Variants in DCAF8L2 observed in about 807,000 individuals in gnomAD.
The protein encoded by DCAF8L2 is DDB1 and CUL4 associated factor 8 like 2.
For synonymous variants in DCAF8L2, 200 were observed against 190.9 expected (o/e 1.05, Z -0.39); for missense variants, 430 against 490.7 (o/e 0.88, Z 1.17).
intron 2 of DCAF8L2, among the ~76,000 whole-genome samples, chrX:27,636,125 C>A (rs182977571): frequency 2.6e-4 from 29 of 111,145 alleles, no homozygotes; most frequent in Middle Eastern, 4.6e-3. Flanking sequence ...CCAGAAATTT[C>A]TATTAATGTC....
the DCAF8L2 span, among the ~76,000 whole-genome samples, chrX:27,506,778 T>C: frequency 6.3e-5 from 7 of 111,369 alleles, no homozygotes; most frequent in African/African-American, 2.3e-4. Flanking sequence ...AACCTCTGCC[T>C]CCCGGGTTCA....
chrX:27,599,863 A>C (rs1926555896), intron 1 of DCAF8L2, among the ~76,000 whole-genome samples: 1 of 112,354 alleles, frequency 8.9e-6, no homozygotes, highest in Admixed American at 9.5e-5. Context: ...GAAAATTGAT[A>C]AAACATGTTG....
the DCAF8L2 span, among the ~76,000 whole-genome samples, chrX:27,571,061 CTCTT>C: frequency 4.5e-5 from 5 of 112,062 alleles, no homozygotes; most frequent in South Asian, 3.7e-4. Flanking sequence ...CTTACTACAG[CTCTT>C]TCTAAGTGGA....
intron 2 of DCAF8L2, among the ~76,000 whole-genome samples, chrX:27,647,990 G>T (rs969750233): frequency 1.8e-5 from 2 of 111,226 alleles, no homozygotes; most frequent in African/African-American, 6.5e-5. Flanking sequence ...GTTGTAACTT[G>T]GGCCACATGA....
Position 27,636,799 on chromosome X carries a change from A to T in DCAF8L2, c.-220+4799A>T, listed in dbSNP as rs141883064. 8.9e-5 allele frequency among the ~76,000 whole-genome samples: 10 copies of T among 112,150 alleles called. No homozygotes were observed. In the East Asian group the frequency reaches 2.5e-3, roughly 28 times the overall value. Reference sequence around the variant, plus strand: ...TGCAGAAAAAAAATCTTATTTACAAATGTATCTGCTGCCACTGTCCACAAT... The same window carrying T: ...TGCAGAAAAAAAATCTTATTTACAATTGTATCTGCTGCCACTGTCCACAAT... On this transcript the variant is annotated intron_variant, in intron 2 of 4. Transcript: ENST00000451261.
the DCAF8L2 span, among the ~76,000 whole-genome samples, chrX:27,477,100 T>G: frequency 1.8e-5 from 2 of 111,973 alleles, no homozygotes; most frequent in Non-Finnish European, 3.8e-5. Flanking sequence ...TCCCCAGATC[T>G]CCTGCCTTTC....
intron 3 of DCAF8L2, among the ~76,000 whole-genome samples, chrX:27,712,017 T>G (rs902164348): frequency 9.0e-6 from 1 of 111,616 alleles, no homozygotes; most frequent in African/African-American, 3.2e-5. Flanking sequence ...ATTATCCTTT[T>G]AATAGATATA....
At chrX:27,530,750 C>T in the DCAF8L2 span, among the ~76,000 whole-genome samples, 987 of 111,917 alleles carry the variant, frequency 8.8e-3, 8 homozygotes, top group Non-Finnish European at 0.014. Context: ...ATTACACTCA[C>T]TCATTGAATT....
At chrX:27,655,279 A>C in intron 2 of DCAF8L2, among the ~76,000 whole-genome samples, 1 of 112,408 alleles carries the variant, frequency 8.9e-6, no homozygotes, top group Non-Finnish European at 1.9e-5. Flanking sequence ...AGATTGATTA[A>C]AATCAAACCT....
chrX:27,546,301 G>C, the DCAF8L2 span, among the ~76,000 whole-genome samples: 5 of 112,107 alleles, frequency 4.5e-5, no homozygotes, highest in African/African-American at 1.6e-4. Flanking sequence ...GTCTTGGGCA[G>C]CTCTGCTCCT....
the DCAF8L2 span, among the ~76,000 whole-genome samples, chrX:27,537,175 C>A: frequency 9.0e-6 from 1 of 111,600 alleles, no homozygotes; most frequent in Non-Finnish European, 1.9e-5. Context: ...AAAGTCAAAA[C>A]AAAAGTGAAT....
chrX:27,722,901 A>T (rs1305798611), intron 4 of DCAF8L2, among the ~76,000 whole-genome samples: 1 of 111,045 alleles, frequency 9.0e-6, no homozygotes, highest in African/African-American at 3.3e-5. Context: ...CAGGAGAATG[A>T]TCTGAAAAGC....
At chrX:27,594,900 A>T (rs760372853) in intron 1 of DCAF8L2, among the ~76,000 whole-genome samples, 41 of 112,038 alleles carry the variant, frequency 3.7e-4, no homozygotes, top group Non-Finnish European at 5.6e-4. Context: ...TTACTTTTTT[A>T]TATGTACTTA....
At chrX:27,492,907 A>G in the DCAF8L2 span, among the ~76,000 whole-genome samples, 5 of 112,027 alleles carry the variant, frequency 4.5e-5, no homozygotes, top group African/African-American at 9.7e-5. Flanking sequence ...TGTTTTCTAT[A>G]TTTTTTATTA....
At chrX:27,695,323 C>T (rs542701022) in intron 3 of DCAF8L2, among the ~76,000 whole-genome samples, 2 of 112,299 alleles carry the variant, frequency 1.8e-5, no homozygotes, top group South Asian at 7.3e-4. Context: ...AGAATTTATG[C>T]AGAGCAACTT....
chrX:27,536,526 A>G, the DCAF8L2 span, among the ~76,000 whole-genome samples: 1 of 112,617 alleles, frequency 8.9e-6, no homozygotes, highest in African/African-American at 3.2e-5. Flanking sequence ...CTTTTGTTGC[A>G]GAACTTTACT....
chrX:27,652,147 A>G (rs1929177976), intron 2 of DCAF8L2, among the ~76,000 whole-genome samples: 1 of 111,040 alleles, frequency 9.0e-6, no homozygotes, highest in African/African-American at 3.3e-5. Context: ...ACTTTTAACA[A>G]ATAACAGTAG....
At chrX:27,605,109 A>C (rs759485985) in intron 1 of DCAF8L2, among the ~76,000 whole-genome samples, 1 of 111,348 alleles carries the variant, frequency 9.0e-6, no homozygotes, top group African/African-American at 3.3e-5. Flanking sequence ...TGTGTTATAT[A>C]TCTGGGATAT....
At chrX:27,661,833 G>C (rs1450360484) in intron 2 of DCAF8L2, among the ~76,000 whole-genome samples, 1 of 111,487 alleles carries the variant, frequency 9.0e-6, no homozygotes, top group Non-Finnish European at 1.9e-5. Context: ...TTTCACTCAT[G>C]CTGTGGCAAG....
Sources: allele counts gnomAD v4.1 joint callset (sites outside exome capture counted in the v4.1 genomes callset), GRCh38; gene constraint gnomAD v4.1.1; transcripts MANE v1.5; gene names NCBI Gene and HGNC (gene_info 2026-07-23, HGNC 2026-07-21).